Variants in CADM2 observed in about 807,000 individuals in gnomAD.
CADM2 encodes immunoglobulin superfamily member 4D.
CADM2 carries 12 observed loss-of-function variants against 49.8 expected under a neutral mutation model. That is an observed-to-expected ratio of 0.24 (90% CI 0.15 to 0.39). CADM2 has a LOEUF of 0.39. CADM2 is among the 10% of genes least tolerant of loss of function. The probability of loss-of-function intolerance (pLI) is 1.00; values close to 1 mark genes in which losing one functional copy is unlikely to be tolerated. For missense variants in CADM2, 378 were observed against 492.3 expected (o/e 0.77, Z 2.20); for synonymous variants, 214 against 175.4 (o/e 1.22, Z -1.74).
chr3:85,993,303 A>T (rs1729010716), intron 8 of CADM2: 1 of 152,230 alleles, frequency 6.6e-6, no homozygotes. Context: ...CTCCCTATCC[A>T]TTAAGTTTGA....
At chr3:85,243,306 C>A (rs1408137598) in intron 1 of CADM2, among the ~76,000 whole-genome samples, 1 of 151,744 alleles carries the variant, frequency 6.6e-6, no homozygotes. Flanking sequence ...CAATGAAAAA[C>A]AGTAGGTATC....
intron 1 of CADM2, among the ~76,000 whole-genome samples, chr3:85,174,858 T>G (rs2040734289): frequency 6.6e-6 from 1 of 152,156 alleles, no homozygotes; most frequent in African/African-American, 2.4e-5. Context: ...GTGTCATACG[T>G]TTTAGTTTAC....
chr3:85,071,960 T>G (rs1279733358), intron 1 of CADM2, among the ~76,000 whole-genome samples: 1 of 150,490 alleles, frequency 6.6e-6, no homozygotes, highest in Non-Finnish European at 1.5e-5. Flanking sequence ...TTCTATATAA[T>G]AATAATATAA....
chr3:85,593,129 A>C (rs1285954182), intron 1 of CADM2, among the ~76,000 whole-genome samples: 1 of 151,848 alleles, frequency 6.6e-6, no homozygotes, highest in Non-Finnish European at 1.5e-5. Context: ...TTTGTACATT[A>C]ATACACATCC....
chr3:85,012,167 C>A (rs1363692331), intron 1 of CADM2, among the ~76,000 whole-genome samples: 1 of 150,998 alleles, frequency 6.6e-6, no homozygotes, highest in African/African-American at 2.4e-5. Context: ...AAAATGAGCT[C>A]ATGCTCCTCT....
In CADM2 at chr3:85,144,245, G is replaced by GCACACACACA. The variant is rs3083491; in HGVS notation, c.61+184594_61+184603dup. Among the ~76,000 whole-genome samples the GCACACACACA allele has an allele frequency of 3.4e-3, 502 of 149,034 alleles. 2 individuals carry two copies. The highest frequency in any genetic ancestry group is 9.3e-3 in the African/African-American group (377 of 40,364). On this transcript the variant is annotated intron_variant, in intron 1 of 9. Transcript: ENST00000383699. ...CCATCTAAAGTATTTTGTTACACAC[G>GCACACACACA]CACACACACACACACACACACACAC... is the stretch of plus-strand genomic sequence containing the variant.
At chr3:86,038,986 T>C (rs561621536) in intron 8 of CADM2, among the ~76,000 whole-genome samples, 3 of 152,232 alleles carry the variant, frequency 2.0e-5, no homozygotes, top group South Asian at 2.1e-4. Flanking sequence ...AGAACAGCAA[T>C]GTGAAAATTG....
At chr3:85,423,125 A>C (rs1204054501) in intron 1 of CADM2, among the ~76,000 whole-genome samples, 1 of 152,098 alleles carries the variant, frequency 6.6e-6, no homozygotes, top group Non-Finnish European at 1.5e-5. Context: ...GAGTTCGGCC[A>C]TCCTAAGGCA....
intron 1 of CADM2, among the ~76,000 whole-genome samples, chr3:85,061,604 A>G (rs1369098254): frequency 6.6e-6 from 1 of 152,126 alleles, no homozygotes; most frequent in Non-Finnish European, 1.5e-5. Context: ...TGAACCAATT[A>G]CAGTTGACAG....
At chr3:85,053,512 A>G (rs1157600263) in intron 1 of CADM2, among the ~76,000 whole-genome samples, 1 of 151,962 alleles carries the variant, frequency 6.6e-6, no homozygotes, top group Non-Finnish European at 1.5e-5. Flanking sequence ...TTGAACACTT[A>G]AGGCTCTGTG....
rs376601345 is a variant in CADM2, at chr3:85,900,927, T to C, written c.530-11446T>C. 2.6e-5 allele frequency among the ~76,000 whole-genome samples: 4 copies of C among 152,232 alleles called. No individual in the cohort carries two copies. In the East Asian group the frequency reaches 7.7e-4, roughly 29 times the overall value. On this transcript the variant is annotated intron_variant, in intron 5 of 9. Transcript: ENST00000383699. ...CATAGGAGAAGGTAGCTTTTCCCAT[T>C]ACCTTTGGCTAATGACCTTCTTTGA...
intron 1 of CADM2, among the ~76,000 whole-genome samples, chr3:85,452,584 A>G (rs1299116378): frequency 6.6e-6 from 1 of 152,136 alleles, no homozygotes; most frequent in Non-Finnish European, 1.5e-5. Flanking sequence ...AACAACAAAA[A>G]AGAGACAAAC....
chr3:85,439,892 T>G (rs930197034), intron 1 of CADM2, among the ~76,000 whole-genome samples: 27 of 152,356 alleles, frequency 1.8e-4, no homozygotes, highest in African/African-American at 6.5e-4. Context: ...CCTACCTGTA[T>G]AATGTAAAAG....
chr3:84,999,174 G>A (rs1320384104), intron 1 of CADM2, among the ~76,000 whole-genome samples: 2 of 151,960 alleles, frequency 1.3e-5, no homozygotes, highest in African/African-American at 4.8e-5. Context: ...TTTATGTAGG[G>A]AATATAGTCA....
Position 85,931,422 on chromosome 3 carries a change from G to C in CADM2, c.701-4345G>C, listed in dbSNP as rs913357613. Among the ~76,000 whole-genome samples the C allele has an allele frequency of 5.3e-5, 8 of 152,054 alleles. No homozygotes were observed. In the South Asian group the frequency reaches 1.5e-3, roughly 28 times the overall value. Reference sequence around the variant, plus strand: ...CACACCCCTGCAATCCAGCCTCGGGGACAGAGTGAGACCTTGTCTGAAAAA... The same window carrying C: ...CACACCCCTGCAATCCAGCCTCGGGCACAGAGTGAGACCTTGTCTGAAAAA... On this transcript the variant is annotated intron_variant, in intron 6 of 9. Coordinates refer to ENST00000383699, the MANE Select transcript of CADM2 (RefSeq NM_001167675.2).
At chr3:85,876,545 A>G (rs1223864734) in intron 3 of CADM2, among the ~76,000 whole-genome samples, 1 of 152,152 alleles carries the variant, frequency 6.6e-6, no homozygotes, top group Non-Finnish European at 1.5e-5. Flanking sequence ...GAAATGTTGC[A>G]TTTTAATGTT....
chr3:85,930,528 T>C (rs1720455122), intron 6 of CADM2, among the ~76,000 whole-genome samples: 1 of 152,176 alleles, frequency 6.6e-6, no homozygotes, highest in Admixed American at 6.5e-5. Context: ...CCTTGTGCTA[T>C]CAAATAGTAG....
chr3:85,977,091 C>T (rs543946259), intron 8 of CADM2, among the ~76,000 whole-genome samples: 29 of 150,160 alleles, frequency 1.9e-4, no homozygotes, highest in African/African-American at 6.1e-4. Flanking sequence ...GTGGTATAAG[C>T]GGGGCAAGGT....
At chr3:85,293,813 C>G (rs1402383419) in intron 1 of CADM2, among the ~76,000 whole-genome samples, 1 of 148,274 alleles carries the variant, frequency 6.7e-6, no homozygotes, top group African/African-American at 2.5e-5. Flanking sequence ...CTATCTATGA[C>G]AAACCCACAG....
Sources: allele counts gnomAD v4.1 joint callset (sites outside exome capture counted in the v4.1 genomes callset), GRCh38; gene constraint gnomAD v4.1.1; transcripts MANE v1.5; gene names NCBI Gene and HGNC (gene_info 2026-07-23, HGNC 2026-07-21).